The following PXYLP1 variants were observed in gnomAD, a reference collection of about 807,000 sequenced individuals.
The protein encoded by PXYLP1 is 2-phosphoxylose phosphatase 1, also known as acid phosphatase-like 2.
A neutral mutation model predicts 37.9 loss-of-function variants in PXYLP1; 17 were observed. The observed-to-expected ratio is 0.45, with a 90% confidence interval of 0.31 to 0.67. PXYLP1 has a LOEUF of 0.67. Ranked by LOEUF, PXYLP1 falls within the 30% of genes least tolerant of loss-of-function variation. The pLI is 0.07. For missense variants in PXYLP1, 511 were observed against 612.0 expected (o/e 0.84, Z 1.74); for synonymous variants, 221 against 232.2 (o/e 0.95, Z 0.44).
chr3:141,245,139 C>T (rs1940908018), intron 1 of PXYLP1, among the ~76,000 whole-genome samples: 2 of 148,578 alleles, frequency 1.3e-5, no homozygotes, highest in African/African-American at 5.0e-5. Context: ...ATCCTCTGTC[C>T]CCCAGGTTCA....
chr3:141,242,836 A>G (rs945030387), intron 1 of PXYLP1, among the ~76,000 whole-genome samples: 6 of 152,208 alleles, frequency 3.9e-5, no homozygotes, highest in African/African-American at 1.4e-4. Flanking sequence ...AGGCAGCAAT[A>G]TTACACTCCA....
chr3:141,248,780 CACGTAT>C (rs1302647166), intron 1 of PXYLP1, among the ~76,000 whole-genome samples: 1 of 53,900 alleles, frequency 1.9e-5, no homozygotes, highest in Non-Finnish European at 4.2e-5. Flanking sequence ...TATATATACA[CACGTAT>C]ATATATACAC....
intron 1 of PXYLP1, chr3:141,258,440 CAAG>C (rs1448984772): frequency 6.5e-6 from 1 of 154,128 alleles, no homozygotes; most frequent in Non-Finnish European, 1.4e-5. Context: ...AGAAGGGTGG[CAAG>C]AAGAAGGGCC....
intron 4 of PXYLP1, among the ~76,000 whole-genome samples, chr3:141,284,564 C>T (rs898673101): frequency 3.9e-5 from 6 of 152,150 alleles, no homozygotes; most frequent in Non-Finnish European, 7.3e-5. Context: ...CCAGGATCCT[C>T]CTTGGATACC....
At position 141,278,417 on chromosome 3, in the gene PXYLP1, T is replaced by C. The variant is rs1941856012; in HGVS notation, c.155T>C (p.Val52Ala). Residue 52 changes from valine (V) to alanine (A), a missense_variant, in exon 3 of 6, where the codon GTG becomes GCG. Physicochemically the swap from Val to Ala is moderately conservative, Grantham distance 64. Coordinates refer to ENST00000286353, the MANE Select transcript of PXYLP1 (RefSeq NM_001037172.3). ...CGAAAGAGAATCATGCCCGACCCTGTGACGGAGCCCCCTGTGACAGACCCC... is the reference window on the plus strand; with the variant it reads ...CGAAAGAGAATCATGCCCGACCCTGCGACGGAGCCCCCTGTGACAGACCCC... ...KSRKRIMPDP[V>A]TEPPVTDPVY... The C allele has an allele frequency of 1.9e-6, 3 of 1,614,090 alleles. No individual in the cohort carries two copies.
chr3:141,274,198 TC>T, intron 2 of PXYLP1: 1 of 1,055,516 alleles, frequency 9.5e-7, no homozygotes, highest in Non-Finnish European at 1.1e-6. Flanking sequence ...ATCTAGGTGA[TC>T]GGGGCAAGCC....
chr3:141,249,734 A>G (rs1458735970), intron 1 of PXYLP1, among the ~76,000 whole-genome samples: 1 of 152,214 alleles, frequency 6.6e-6, no homozygotes, highest in East Asian at 1.9e-4. Flanking sequence ...GCTTCTCGAC[A>G]TTCTAAAATA....
At chr3:141,266,622 T>G (rs1941518989) in intron 2 of PXYLP1, among the ~76,000 whole-genome samples, 1 of 135,794 alleles carries the variant, frequency 7.4e-6, no homozygotes. Flanking sequence ...GCCAGCTCTG[T>G]GTGTGTGAGA....
rs565369683 is a variant in PXYLP1 at position 141,244,742 on chromosome 3, T to C, written c.-54+12831T>C. 1.1e-4 allele frequency among the ~76,000 whole-genome samples: 17 copies of C among 151,836 alleles called. No homozygotes were observed. In the South Asian group the frequency reaches 1.5e-3, roughly 13 times the overall value. ...GACAAACTGTGATTTTCCAACTGTT[T>C]CCCTATGGATGAACATTTCAGTCAT... is the stretch of plus-strand genomic sequence containing the variant. On this transcript the variant is annotated intron_variant, in intron 1 of 5. Transcript: ENST00000286353.
intron 1 of PXYLP1, among the ~76,000 whole-genome samples, chr3:141,243,027 G>A (rs937473892): frequency 3.3e-5 from 5 of 152,192 alleles, no homozygotes; most frequent in African/African-American, 7.2e-5. Context: ...TACCTTGCCC[G>A]AGCTGTTAGG....
At position 141,292,035 on chromosome 3, in the gene PXYLP1, C is replaced by T. The variant is rs1040678023; in HGVS notation, c.506-233C>T. Among the ~76,000 whole-genome samples the T allele has an allele frequency of 1.6e-4, 25 of 152,198 alleles. No individual in the cohort carries two copies. The highest frequency in any genetic ancestry group is 7.2e-4 in the Admixed American group (11 of 15,292). On this transcript the variant is annotated intron_variant, in intron 5 of 5. Transcript: ENST00000286353. The surrounding 1 kb of genome is among the most constrained non-coding windows in gnomAD (Gnocchi z 4.3). Reference sequence around the variant, plus strand: ...AGTGCAAGGCAGATGGTCCAAAGGCCGTGGTTCTCAAGGCCAGGGCCCCGC... The same window carrying T: ...AGTGCAAGGCAGATGGTCCAAAGGCTGTGGTTCTCAAGGCCAGGGCCCCGC...
chr3:141,248,574 CACAT>C (rs1217430395), intron 1 of PXYLP1, among the ~76,000 whole-genome samples: 1 of 110,972 alleles, frequency 9.0e-6, no homozygotes, highest in Admixed American at 9.5e-5. Flanking sequence ...TATATATACA[CACAT>C]GTATATATAC....
At chr3:141,263,648 GATTTTAT>G (rs1941443603) in intron 2 of PXYLP1, among the ~76,000 whole-genome samples, 1 of 152,156 alleles carries the variant, frequency 6.6e-6, no homozygotes, top group Non-Finnish European at 1.5e-5. Context: ...TCTTAATGCT[GATTTTAT>G]GCTCATTTCT....
intron 1 of PXYLP1, chr3:141,236,304 A>G (rs1181528970): frequency 1.3e-5 from 2 of 152,152 alleles, no homozygotes; most frequent in Non-Finnish European, 2.9e-5. Flanking sequence ...CCTGCTCGCC[A>G]CCCTTATGCC....
intron 2 of PXYLP1, chr3:141,262,549 A>G (rs1056137150): frequency 1.3e-5 from 15 of 1,137,512 alleles, no homozygotes; most frequent in Non-Finnish European, 1.8e-5. Context: ...TGTTTTGCTT[A>G]TATAACTCTT....
chr3:141,287,413 A>G lies in PXYLP1; in HGVS notation c.465A>G (p.Pro155=), dbSNP rs1942102978. 1.2e-6 allele frequency: 2 copies of G among 1,614,010 alleles called. No individual in the cohort carries two copies. The highest frequency in any genetic ancestry group is 1.7e-6 in the Non-Finnish European group (2 of 1,180,036). ...ESPLNSLPLY[P]NHPLCEMGEL... is the part of the protein sequence containing the mutation. Reference sequence around the variant, plus strand: ...CCTTGAACTCCTTGCCTCTTTACCCAAATCACCCATTGTGTGAGATGGGAG... The same window carrying G: ...CCTTGAACTCCTTGCCTCTTTACCCGAATCACCCATTGTGTGAGATGGGAG... The change falls in exon 5 of 6, where the codon CCA becomes CCG. Residue 155 remains proline (P), a synonymous_variant. Transcript: ENST00000286353.
intron 1 of PXYLP1, among the ~76,000 whole-genome samples, chr3:141,245,221 T>C (rs1253900096): frequency 6.6e-6 from 1 of 151,966 alleles, no homozygotes; most frequent in Admixed American, 6.6e-5. Flanking sequence ...AGCTAATTTT[T>C]GTATTTTTAG....
intron 3 of PXYLP1, 146 bp from the exon 4 acceptor site, chr3:141,279,232 G>A: frequency 1.1e-6 from 1 of 913,750 alleles, no homozygotes; most frequent in East Asian, 2.4e-5. Context: ...CCCCTTCACT[G>A]TGGTGGCTCT....
At chr3:141,257,361 T>G (rs573070527) in intron 1 of PXYLP1, among the ~76,000 whole-genome samples, 1 of 152,302 alleles carries the variant, frequency 6.6e-6, no homozygotes, top group East Asian at 1.9e-4. Flanking sequence ...CCCCAATGCA[T>G]AAGTACTTTT....
Sources: allele counts gnomAD v4.1 joint callset (sites outside exome capture counted in the v4.1 genomes callset), GRCh38; gene constraint gnomAD v4.1.1; non-coding constraint Gnocchi (gnomAD v3.1); transcripts MANE v1.5; gene names NCBI Gene and HGNC (gene_info 2026-07-23, HGNC 2026-07-21).